PPA2: variants seen among roughly 807,000 people sequenced by gnomAD.
PPA2 encodes inorganic pyrophosphatase 2.
In PPA2, 48 loss-of-function variants were observed where a neutral mutation model predicts 49.5. That is an observed-to-expected ratio of 0.97 (90% confidence interval 0.77 to 1.23). PPA2 has a LOEUF of 1.23. Ranked by LOEUF, PPA2 falls within the 50% of genes most tolerant of loss-of-function variation. The pLI, the probability that PPA2 is intolerant of heterozygous loss-of-function variation, is 0.00. For synonymous variants in PPA2, 131 were observed against 139.9 expected (o/e 0.94, Z 0.45); for missense variants, 429 against 410.1 (o/e 1.05, Z -0.40).
At chr4:105,409,498 G>A (rs1176470537) in intron 7 of PPA2, among the ~76,000 whole-genome samples, 2 of 152,250 alleles carry the variant, frequency 1.3e-5, no homozygotes, top group Non-Finnish European at 2.9e-5. Context: ...AACTTCTGCA[G>A]ACTTAAATGT....
At chr4:105,398,701 G>A (rs1251030307) in intron 8 of PPA2, 4 of 177,470 alleles carry the variant, frequency 2.3e-5, no homozygotes, top group African/African-American at 4.8e-5. Context: ...TTACATTAAG[G>A]GTGAGTAACT....
In PPA2 at chr4:105,461,625, T is replaced by A. The variant is rs889650718; in HGVS notation, c.158-4880A>T. On this transcript the variant is annotated intron_variant, in intron 1 of 11. Transcript: ENST00000341695. ...GGCCAAGAACTCAGTTTTCAAGGTT[T>A]CTCTAGGGTTCCCTTGGCCAAAAGG... Among the ~76,000 whole-genome samples the A allele has an allele frequency of 1.1e-4, 16 of 152,308 alleles. No homozygotes were observed. The South Asian group carries it at 2.3e-3, about 22-fold the overall frequency.
At chr4:105,416,947 G>C (rs2726466) in intron 7 of PPA2, among the ~76,000 whole-genome samples, 2 of 152,066 alleles carry the variant, frequency 1.3e-5, no homozygotes, top group Non-Finnish European at 2.9e-5. Context: ...ATTCTACATA[G>C]AGACTATATG....
chr4:105,385,619 CT>C (rs1215516910), intron 10 of PPA2, among the ~76,000 whole-genome samples: 1 of 151,988 alleles, frequency 6.6e-6, no homozygotes, highest in African/African-American at 2.4e-5. Context: ...CCTAAATACA[CT>C]TTATACAAGT....
intron 6 of PPA2, among the ~76,000 whole-genome samples, chr4:105,431,265 G>GA (rs533467743): frequency 6.6e-6 from 1 of 152,074 alleles, no homozygotes; most frequent in South Asian, 2.1e-4. Context: ...AACAAAGCTA[G>GA]AAAAAAATCT....
chr4:105,381,162 A>G (rs556034732), intron 10 of PPA2, among the ~76,000 whole-genome samples: 5 of 152,196 alleles, frequency 3.3e-5, no homozygotes, highest in Non-Finnish European at 7.4e-5. Context: ...TATGATGTTT[A>G]GTGGTCATTG....
chr4:105,425,335 T>TA (rs1228871196), intron 6 of PPA2, among the ~76,000 whole-genome samples: 10 of 151,772 alleles, frequency 6.6e-5, no homozygotes, highest in African/African-American at 2.2e-4. Context: ...CTCAAAGATT[T>TA]AAAGAAAAAC....
intron 7 of PPA2, among the ~76,000 whole-genome samples, chr4:105,409,744 A>C (rs951439498): frequency 6.6e-6 from 1 of 152,246 alleles, no homozygotes; most frequent in Non-Finnish European, 1.5e-5. Flanking sequence ...GCTGTTCTGC[A>C]GCCTCTGCTG....
At chr4:105,371,980 C>G (rs1317259715) in intron 10 of PPA2, among the ~76,000 whole-genome samples, 1 of 152,154 alleles carries the variant, frequency 6.6e-6, no homozygotes, top group African/African-American at 2.4e-5. Flanking sequence ...AATTTAGTAG[C>G]CCACATATCT....
chr4:105,472,219 C>A (rs1034464324), intron 1 of PPA2, among the ~76,000 whole-genome samples: 1 of 152,166 alleles, frequency 6.6e-6, no homozygotes, highest in African/African-American at 2.4e-5. Context: ...AACCACCCAC[C>A]CAACAGCACA....
intron 5 of PPA2, among the ~76,000 whole-genome samples, chr4:105,439,609 T>C (rs1424183536): frequency 1.3e-5 from 2 of 152,046 alleles, no homozygotes; most frequent in Non-Finnish European, 2.9e-5. Flanking sequence ...GGTATGGCAT[T>C]TGTGACAAAT....
At chr4:105,473,774 C>A in intron 1 of PPA2, 120 bp downstream of exon 1, 1 of 1,428,834 alleles carries the variant, frequency 7.0e-7, no homozygotes. Flanking sequence ...GCGCGGCTAC[C>A]GCTGAGGGCC....
chr4:105,430,527 C>T lies in PPA2; in HGVS notation c.529-6205G>A, dbSNP rs928653911. 3.9e-5 allele frequency among the ~76,000 whole-genome samples: 6 copies of T among 152,312 alleles called. No homozygotes were observed. The Middle Eastern group carries it at 0.017, about 432-fold the overall frequency. On this transcript the variant is annotated intron_variant, in intron 6 of 11. Coordinates refer to ENST00000341695, the MANE Select transcript of PPA2 (RefSeq NM_176869.3). The stretch of plus-strand genomic sequence containing the variant: ...GCCGAACAGCATATAAGACCGAACA[C>T]ATGTGAGTTTAAACATGTAATATCA...
At chr4:105,404,991 G>C in intron 7 of PPA2, 1 of 160,822 alleles carries the variant, frequency 6.2e-6, no homozygotes, top group Non-Finnish European at 1.3e-5. Flanking sequence ...GCTGAGGCAG[G>C]AGAATGGCAT....
chr4:105,382,000 T>C (rs931219502), intron 10 of PPA2, among the ~76,000 whole-genome samples: 4 of 151,948 alleles, frequency 2.6e-5, no homozygotes, highest in East Asian at 3.9e-4. Context: ...TGAACTTCTA[T>C]AATTTTCTTT....
At chr4:105,386,217 C>A (rs1377379148) in intron 10 of PPA2, among the ~76,000 whole-genome samples, 1 of 151,940 alleles carries the variant, frequency 6.6e-6, no homozygotes. Flanking sequence ...GTGCCAATAG[C>A]CAGTTCCAAT....
chr4:105,409,227 C>T (rs1722632046), intron 7 of PPA2, among the ~76,000 whole-genome samples: 2 of 152,258 alleles, frequency 1.3e-5, no homozygotes, highest in Admixed American at 1.3e-4. Context: ...GTCTTCACAA[C>T]TGGCAGACCA....
At position 105,449,151 on chromosome 4, in the gene PPA2, A is replaced by C. The variant is rs1336726241; in HGVS notation, c.321+199T>G. 1.7e-5 allele frequency among the ~76,000 whole-genome samples: 2 copies of C among 120,590 alleles called. 1 individual carries two copies. The highest frequency in any genetic ancestry group is 7.4e-5 in the African/African-American group (2 of 27,078). 79.1% of individuals were successfully genotyped at this position (120,590 alleles called of 152,430 possible). On this transcript the variant is annotated intron_variant, in intron 4 of 11. Transcript: ENST00000341695. ...AGAATGGCGTGAACCCGGGAGGCGG[A>C]GCTTGCAGTGAGCCGAGATCCCGCC...
At chr4:105,441,052 A>G (rs1483056220) in intron 5 of PPA2, among the ~76,000 whole-genome samples, 2 of 152,220 alleles carry the variant, frequency 1.3e-5, no homozygotes, top group East Asian at 1.9e-4. Flanking sequence ...CTTCAACAGG[A>G]AAGGAAATCT....
Sources: gnomAD v4.1 joint callset for allele counts (sites outside exome capture counted in the v4.1 genomes callset) on GRCh38, gnomAD v4.1.1 for gene constraint, MANE v1.5 for transcripts, NCBI Gene and HGNC (gene_info 2026-07-23, HGNC 2026-07-21) for gene names.